PWWP2A: variants seen among roughly 807,000 people sequenced by gnomAD.
The protein encoded by PWWP2A is PWWP domain containing 2A.
In PWWP2A, 18 loss-of-function variants were observed where a neutral mutation model predicts 48.5. The observed-to-expected ratio is 0.37, with a 90% CI of 0.26 to 0.55. PWWP2A has a LOEUF of 0.55. PWWP2A is among the 20% of genes least tolerant of loss of function. The probability of loss-of-function intolerance (pLI) is 0.81; values close to 1 mark genes in which losing one functional copy is unlikely to be tolerated. For missense variants in PWWP2A, 867 were observed against 976.4 expected (o/e 0.89, Z 1.49); for synonymous variants, 396 against 387.7 (o/e 1.02, Z -0.25).
chr5:160,045,515 T>TCTC, the PWWP2A span, among the ~76,000 whole-genome samples: 7 of 37,614 alleles, frequency 1.9e-4, no homozygotes, highest in South Asian at 1.3e-3. Flanking sequence ...CACACACACA[T>TCTC]ACACACTCTC....
chr5:160,090,041 A>C, downstream of PWWP2A: 1 of 985,480 alleles, frequency 1.0e-6, no homozygotes, highest in Non-Finnish European at 1.2e-6. Flanking sequence ...CTGAAACTGC[A>C]AATGAAATAT....
Position 160,093,738 on chromosome 5 carries a change from T to C in PWWP2A, c.912A>G (p.Glu304=), listed in dbSNP as rs370551431. Reference sequence around the variant, plus strand: ...TAGCATTCATTATTGAAGTGGGTTCTTCCCTGTACATTTTTCGTTTGGGTC... The same window carrying C: ...TAGCATTCATTATTGAAGTGGGTTCCTCCCTGTACATTTTTCGTTTGGGTC... ...IKRPKRKMYR[E]EPTSIMNAIK... Residue 304 remains glutamate (E), a synonymous_variant, in exon 2 of 2, where the codon GAA becomes GAG. Transcript: ENST00000307063. The surrounding 1 kb of genome is among the most constrained non-coding windows in gnomAD (Gnocchi z 5.8). 98 of 1,613,964 alleles carry C rather than the reference T, an allele frequency of 6.1e-5. No individual in the cohort carries two copies. In the South Asian group the frequency reaches 6.9e-4, roughly 11 times the overall value.
intron 1 of PWWP2A, among the ~76,000 whole-genome samples, chr5:160,109,792 T>TATATATATATATAAAATAATATAATA (rs1757340155): frequency 2.4e-5 from 3 of 124,750 alleles, no homozygotes; most frequent in Non-Finnish European, 3.3e-5. Flanking sequence ...TATATATATA[T>TATATATATATATAAAATAATATAATA]ATATATATAT....
At chr5:160,098,430 CAT>C (rs1389265805) in intron 1 of PWWP2A, among the ~76,000 whole-genome samples, 3 of 152,026 alleles carry the variant, frequency 2.0e-5, no homozygotes, top group African/African-American at 7.3e-5. Flanking sequence ...ATGGGGATCA[CAT>C]GTCTGTCTTT....
At chr5:160,047,779 A>C in the PWWP2A span, among the ~76,000 whole-genome samples, 3,296 of 152,200 alleles carry the variant, frequency 0.022, 110 homozygotes, top group African/African-American at 0.075. Context: ...GCTCCTCCTT[A>C]GCCTTTCACA....
chr5:160,048,450 C>A, the PWWP2A span, among the ~76,000 whole-genome samples: 2 of 152,150 alleles, frequency 1.3e-5, no homozygotes, highest in South Asian at 4.1e-4. Context: ...CCACCACACC[C>A]GGCCAGCACT....
chr5:160,062,331 C>T (rs1187142406), intron 5 of PWWP2A, among the ~76,000 whole-genome samples: 4 of 152,208 alleles, frequency 2.6e-5, no homozygotes, highest in African/African-American at 9.6e-5. Flanking sequence ...CAAGCCATTG[C>T]TGCCTGAGGA....
downstream of PWWP2A, among the ~76,000 whole-genome samples, chr5:160,087,110 C>T (rs184729889): frequency 3.3e-5 from 5 of 152,238 alleles, no homozygotes; most frequent in Admixed American, 2.0e-4. Context: ...AGCACGGTGG[C>T]TCATGCCTAT....
Position 160,077,904 on chromosome 5 carries a change from A to G in PWWP2A, c.*251T>C. The G allele has an allele frequency of 2.2e-6, 1 of 454,148 alleles. No individual in the cohort carries two copies. Among genetic ancestry groups the G allele is most frequent in the East Asian group, 3.5e-5 (1 of 28,406 alleles). 28.1% of individuals were successfully genotyped at this position (454,148 alleles called of 1,614,324 possible). On this transcript the variant is annotated 3_prime_UTR_variant, in exon 4 of 4. Transcript: ENST00000456329. The surrounding 1 kb of genome is among the most constrained non-coding windows in gnomAD (Gnocchi z 4.2). The stretch of plus-strand genomic sequence containing the variant: ...ATTCAAGTGAGTTCTTACGTGTGTA[A>G]TTCACATCATTTTTCTCCTCATCTC...
rs1407099777 is a variant in PWWP2A at position 160,119,158 on chromosome 5, C to G, written c.231G>C (p.Glu77Asp). The G allele has an allele frequency of 1.3e-6, 2 of 1,541,134 alleles. No homozygotes were observed. Among genetic ancestry groups the G allele is most frequent in the South Asian group, 1.2e-5 (1 of 84,278 alleles). Residue 77 changes from glutamate (E) to aspartate (D), a missense_variant, in exon 1 of 2, where the codon GAG (glutamate) becomes GAC (aspartate). Coordinates refer to ENST00000307063, the MANE Select transcript of PWWP2A (RefSeq NM_001130864.2). ...CCACCGCCTCTGGGCTGCGGGCGAG[C>G]TCCCCCGGCGGCGGCGGTGGCGGCG... is the stretch of plus-strand genomic sequence containing the variant. ...PLPPPPPPPGELARSPEAVGP... is the reference protein window; with the variant it reads ...PLPPPPPPPGDLARSPEAVGP...
chr5:160,063,966 CTTTTTTTTT>C, intron 4 of PWWP2A, among the ~76,000 whole-genome samples: 1 of 106,660 alleles, frequency 9.4e-6, no homozygotes, highest in African/African-American at 3.7e-5. Flanking sequence ...TAGACCATGA[CTTTTTTTTT>C]TTTTTTTTTT....
At chr5:160,056,173 C>G in the PWWP2A span, among the ~76,000 whole-genome samples, 5 of 152,218 alleles carry the variant, frequency 3.3e-5, no homozygotes, top group African/African-American at 1.2e-4. Flanking sequence ...GAAACCATAA[C>G]ACAAAGACAG....
At chr5:160,048,600 TGCTGGA>T in the PWWP2A span, among the ~76,000 whole-genome samples, 2 of 152,244 alleles carry the variant, frequency 1.3e-5, no homozygotes, top group Admixed American at 6.5e-5. Flanking sequence ...CACCTCATAG[TGCTGGA>T]GCAGTAGTTT....
At chr5:160,046,564 C>T in the PWWP2A span, among the ~76,000 whole-genome samples, 2 of 152,224 alleles carry the variant, frequency 1.3e-5, no homozygotes, top group Admixed American at 1.3e-4. Flanking sequence ...TATAAATTAG[C>T]ACAATGTAGC....
chr5:160,064,483 T>G (rs1297580037), intron 4 of PWWP2A, among the ~76,000 whole-genome samples: 1 of 152,226 alleles, frequency 6.6e-6, no homozygotes, highest in Non-Finnish European at 1.5e-5. Flanking sequence ...TGAATTACAT[T>G]TAGCAGGTGG....
Position 160,078,020 on chromosome 5 carries a change from T to C in PWWP2A, c.*135A>G. The C allele has an allele frequency of 2.7e-6, 2 of 732,784 alleles. No homozygotes were observed. The highest frequency in any genetic ancestry group is 2.4e-5 in the Admixed American group (1 of 42,266). 45.4% of individuals were successfully genotyped at this position (732,784 alleles called of 1,614,324 possible). Reference sequence around the variant, plus strand: ...ACAGCACAATTTGCAAGTGCCCCTTTATAGACTGTTGTTTTTAACCACTGC... The same window carrying C: ...ACAGCACAATTTGCAAGTGCCCCTTCATAGACTGTTGTTTTTAACCACTGC... On this transcript the variant is annotated 3_prime_UTR_variant, in exon 4 of 4. Coordinates refer to the PWWP2A transcript ENST00000456329. The surrounding 1 kb of genome is among the most constrained non-coding windows in gnomAD (Gnocchi z 4.2).
At position 160,119,150 on chromosome 5, in the gene PWWP2A, C is replaced by G; in HGVS notation, c.239G>C (p.Arg80Pro). ...CTCCGGCCCCACCGCCTCTGGGCTG[C>G]GGGCGAGCTCCCCCGGCGGCGGCGG... ...PPPPPPGELA[R>P]SPEAVGPELE... Residue 80 changes from arginine (R) to proline (P), a missense_variant, in exon 1 of 2, where the codon CGC becomes CCC. Physicochemically the swap from Arg to Pro is moderately radical, Grantham distance 103. Around this residue, in one of 4 missense-constraint regions of PWWP2A, gnomAD observed 385 missense variants for 396.9 expected, o/e 0.97. Coordinates refer to ENST00000307063, the MANE Select transcript of PWWP2A (RefSeq NM_001130864.2). 6.5e-7 allele frequency: 1 copy of G among 1,549,068 alleles called. No individual in the cohort carries two copies. Among genetic ancestry groups the G allele is most frequent in the Non-Finnish European group, 8.6e-7 (1 of 1,161,438 alleles).
intron 1 of PWWP2A, among the ~76,000 whole-genome samples, chr5:160,096,685 A>G (rs1341415051): frequency 2.4e-4 from 37 of 152,282 alleles, no homozygotes; most frequent in Admixed American, 2.4e-3. Context: ...GCTGGAACGC[A>G]GTGGTGCAAT....
the PWWP2A span, among the ~76,000 whole-genome samples, chr5:160,050,761 G>A: frequency 0.041 from 6,237 of 151,322 alleles, 156 homozygotes; most frequent in East Asian, 0.12. Context: ...GAGTAGCTGC[G>A]ACTACAGACA....
Sources: gnomAD v4.1 joint callset for allele counts (sites outside exome capture counted in the v4.1 genomes callset) on GRCh38, gnomAD v4.1.1 for gene constraint, gnomAD v4.1.1 regional missense constraint, Gnocchi (gnomAD v3.1) non-coding constraint, MANE v1.5 for transcripts, NCBI Gene and HGNC (gene_info 2026-07-23, HGNC 2026-07-21) for gene names.